TMPO: variants seen among roughly 807,000 people sequenced by gnomAD.
The protein encoded by TMPO is LEM domain containing 4.
TMPO carries 22 observed loss-of-function variants against 45.4 expected under a neutral mutation model. That is an observed-to-expected ratio of 0.48 (90% CI 0.35 to 0.69). TMPO has a LOEUF of 0.69. Among genes scored for constraint, TMPO ranks in the 30% least tolerant of loss-of-function variants. The pLI is 0.01. For missense variants in TMPO, 512 were observed against 548.8 expected (o/e 0.93, Z 0.67); for synonymous variants, 241 against 204.1 (o/e 1.18, Z -1.54).
At chr12:98,537,349 A>G in intron 3 of TMPO, 126 bp from the exon 4 acceptor site, 1 of 713,412 alleles carries the variant, frequency 1.4e-6, no homozygotes, top group Non-Finnish European at 2.4e-6. Flanking sequence ...CTAGTGAGGT[A>G]TTACCAGTAG....
At chr12:98,534,781 C>A (rs1042362703) in intron 3 of TMPO, 14 of 1,009,818 alleles carry the variant, frequency 1.4e-5, no homozygotes, top group African/African-American at 7.0e-5. Context: ...ATCTCAGTAT[C>A]TTTTCACGTT....
intron 4 of TMPO, 60 bp downstream of exon 4, chr12:98,537,632 C>A (rs1225014073): frequency 7.7e-7 from 1 of 1,297,258 alleles, no homozygotes; most frequent in Non-Finnish European, 1.1e-6. Context: ...CAACACTAAT[C>A]CATGTTTTAG....
intron 2 of TMPO, among the ~76,000 whole-genome samples, chr12:98,531,228 C>T (rs1245945140): frequency 2.7e-5 from 4 of 149,260 alleles, no homozygotes; most frequent in Non-Finnish European, 5.9e-5. Flanking sequence ...GCATCAGCCA[C>T]CACGTCCTTT....
intron 2 of TMPO, among the ~76,000 whole-genome samples, chr12:98,528,345 C>T (rs952535682): frequency 9.3e-5 from 14 of 150,634 alleles, no homozygotes; most frequent in Admixed American, 2.7e-4. Flanking sequence ...GACGCGATCT[C>T]GGCTCCCTGC....
At chr12:98,532,697 G>C in intron 3 of TMPO, 1 of 1,401,286 alleles carries the variant, frequency 7.1e-7, no homozygotes, top group Non-Finnish European at 9.9e-7. Context: ...AAATCTGGCA[G>C]ATTAGTTCAG....
intron 1 of TMPO, among the ~76,000 whole-genome samples, chr12:98,527,178 T>C (rs190536821): frequency 1.3e-4 from 20 of 151,930 alleles, no homozygotes; most frequent in Admixed American, 6.6e-4. Context: ...ATTGGAGTTA[T>C]ATGCTTTAAG....
At chr12:98,519,521 A>G (rs922981163) in intron 1 of TMPO, among the ~76,000 whole-genome samples, 1 of 152,142 alleles carries the variant, frequency 6.6e-6, no homozygotes, top group African/African-American at 2.4e-5. Context: ...TTTTTAGAGT[A>G]CCTAGTAGGT....
At position 98,549,491 on chromosome 12, in the gene TMPO, G is replaced by GA. The variant is rs1449644031; in HGVS notation, c.*1633_*1634insA. 6.6e-6 allele frequency: 1 copy of GA among 152,058 alleles called. No individual in the cohort carries two copies. The highest frequency in any genetic ancestry group is 1.5e-5 in the Non-Finnish European group (1 of 68,024). The allele number at this position is 152,058 out of a possible 1,614,324, so 9.4% of individuals were successfully genotyped here. A position where few individuals can be genotyped will look rare whatever the true frequency, so the allele number is the denominator to read the frequency against. ...TTATGATTTTGTGTACTCTTGAAAT[G>GA]GTTATCTTTGTGGATGATTTTTTTT... On this transcript the variant is annotated 3_prime_UTR_variant, in exon 9 of 9. Coordinates refer to ENST00000556029, the MANE Select transcript of TMPO (RefSeq NM_001032283.3).
Position 98,527,906 on chromosome 12 carries a change from T to C in TMPO, c.300T>C (p.Asp100=). The change falls in exon 2 of 9, where the codon GAT becomes GAC. Residue 100 remains aspartate (D), a synonymous_variant. Coordinates refer to ENST00000556029, the MANE Select transcript of TMPO (RefSeq NM_001032283.3). The part of the protein sequence containing the change: ...AVGRKATKKT[D]KPRQEDKDDL... Reference sequence around the variant, plus strand: ...TACAGAAAGCCACAAAAAAAACTGATAAACCCAGACAAGAAGATAAAGATG... The same window carrying C: ...TACAGAAAGCCACAAAAAAAACTGACAAACCCAGACAAGAAGATAAAGATG... 6.2e-7 allele frequency: 1 copy of C among 1,613,888 alleles called. No homozygotes were observed. The highest frequency in any genetic ancestry group is 1.1e-5 in the South Asian group (1 of 91,080).
intron 1 of TMPO, chr12:98,516,483 G>A (rs1565801993): frequency 5.4e-6 from 6 of 1,108,434 alleles, no homozygotes; most frequent in East Asian, 5.2e-5. Flanking sequence ...GTGCCCTTTC[G>A]AAAGCTCTGG....
chr12:98,537,641 A>T, intron 4 of TMPO, 69 bp downstream of exon 4: 1 of 1,203,862 alleles, frequency 8.3e-7, no homozygotes, highest in Non-Finnish European at 1.2e-6. Flanking sequence ...TCCATGTTTT[A>T]GCCTTTAATG....
At chr12:98,542,890 G>A (rs886135549) in intron 4 of TMPO, among the ~76,000 whole-genome samples, 10 of 152,044 alleles carry the variant, frequency 6.6e-5, no homozygotes, top group African/African-American at 2.2e-4. Flanking sequence ...TTAAAAAGCA[G>A]TTACTCTGTG....
At chr12:98,525,945 A>G (rs1876734249) in intron 1 of TMPO, among the ~76,000 whole-genome samples, 1 of 151,860 alleles carries the variant, frequency 6.6e-6, no homozygotes, top group Non-Finnish European at 1.5e-5. Flanking sequence ...TTAATTAGCC[A>G]TTTTTTTGTT....
chr12:98,532,369 A>G (rs1348157260), intron 3 of TMPO: 1 of 170,584 alleles, frequency 5.9e-6, no homozygotes, highest in African/African-American at 2.4e-5. Flanking sequence ...TTCATAATTA[A>G]TACATAGTGG....
At chr12:98,520,850 G>T (rs748100056) in intron 1 of TMPO, among the ~76,000 whole-genome samples, 1 of 151,598 alleles carries the variant, frequency 6.6e-6, no homozygotes, top group Non-Finnish European at 1.5e-5. Context: ...GGAATTACAG[G>T]CATGAGCCAC....
intron 1 of TMPO, chr12:98,527,482 C>A (rs937933455): frequency 7.4e-5 from 13 of 175,280 alleles, no homozygotes; most frequent in Non-Finnish European, 1.3e-4. Context: ...GAGATGGAGC[C>A]ACTGTACTCC....
At position 98,546,252 on chromosome 12, in the gene TMPO, A is replaced by G. The variant is rs1878220354; in HGVS notation, c.991-107A>G. 5 of 787,518 alleles carry G rather than the reference A, an allele frequency of 6.3e-6. No individual in the cohort carries two copies. The East Asian group carries it at 1.3e-4, about 20-fold the overall frequency. 48.8% of individuals were successfully genotyped at this position (787,518 alleles called of 1,614,324 possible). ...AAATGGCAGCTGTAAAATCTATGAT[A>G]GATTTAAAGGCATTTTGTTCTCTAA... On this transcript the variant is annotated intron_variant, in intron 7 of 8. Transcript: ENST00000556029.
Position 98,533,182 on chromosome 12 carries a change from G to C in TMPO, c.565+1344G>C, listed in dbSNP as rs114939776. 2.2e-3 allele frequency: 3,528 copies of C among 1,614,072 alleles called. 76 individuals are homozygous for C. In the African/African-American group the frequency reaches 0.042, roughly 19 times the overall value. On this transcript the variant is annotated intron_variant, in intron 3 of 8. Coordinates refer to ENST00000556029, the MANE Select transcript of TMPO (RefSeq NM_001032283.3). ...CAGTGCCATGTTGGTCTCTACTGCA[G>C]CTTCTCCTTCACTGATTAAAGAAAC...
chr12:98,531,933 C>G, intron 3 of TMPO, 95 bp downstream of exon 3: 2 of 978,492 alleles, frequency 2.0e-6, no homozygotes, highest in African/African-American at 1.7e-5. Context: ...ACAATATTGG[C>G]AAGATACACA....
Sources: allele counts gnomAD v4.1 joint callset (sites outside exome capture counted in the v4.1 genomes callset), GRCh38; gene constraint gnomAD v4.1.1; transcripts MANE v1.5; gene names NCBI Gene and HGNC (gene_info 2026-07-23, HGNC 2026-07-21).